MYO1B: variants seen among roughly 807,000 people sequenced by gnomAD.
MYO1B encodes unconventional myosin-Ib.
Under a neutral mutation model 159.7 loss-of-function variants are expected in MYO1B, and 72 were observed. The ratio of observed to expected loss-of-function variants is 0.45; its 90% CI spans 0.37 to 0.55. The LOEUF (loss-of-function observed/expected upper bound fraction) is 0.55. MYO1B is among the 20% of genes least tolerant of loss of function. The pLI is 0.00. For missense variants in MYO1B, 1,062 were observed against 1,364.8 expected (o/e 0.78, Z 3.50); for synonymous variants, 468 against 473.8 (o/e 0.99, Z 0.16).
intron 5 of MYO1B, 56 bp downstream of exon 5, chr2:191,341,621 G>A: frequency 7.0e-7 from 1 of 1,424,454 alleles, no homozygotes; most frequent in Non-Finnish European, 9.9e-7. Context: ...ATTGAGTTAT[G>A]TGGGTGCTTT....
chr2:191,348,362 A>G (rs907609767), intron 6 of MYO1B, among the ~76,000 whole-genome samples: 2 of 152,108 alleles, frequency 1.3e-5, no homozygotes, highest in African/African-American at 4.8e-5. Context: ...TGCCTGACCT[A>G]TATGTATGTC....
At chr2:191,332,514 T>TTTCCC (rs1215665091) in intron 4 of MYO1B, among the ~76,000 whole-genome samples, 1 of 152,188 alleles carries the variant, frequency 6.6e-6, no homozygotes, top group Non-Finnish European at 1.5e-5. Context: ...ATCCTGATGC[T>TTTCCC]TTCCCTTCCC....
chr2:191,330,124 C>G (rs977548408), intron 4 of MYO1B, 95 bp downstream of exon 4: 2 of 990,756 alleles, frequency 2.0e-6, no homozygotes, highest in African/African-American at 3.3e-5. Context: ...CAAGATCTGT[C>G]GCAGGGCCAC....
In MYO1B at chr2:191,400,766, A is replaced by G. The variant is rs752160964; in HGVS notation, c.2400A>G (p.Arg800=). The G allele has an allele frequency of 6.2e-7, 1 of 1,614,006 alleles. No individual in the cohort carries two copies. The highest frequency in any genetic ancestry group is 8.5e-7 in the Non-Finnish European group (1 of 1,179,892). Residue 800 remains arginine (R), a synonymous_variant, in exon 23 of 31, where the codon AGA becomes AGG. Coordinates refer to ENST00000392318, the MANE Select transcript of MYO1B (RefSeq NM_001130158.3). The stretch of plus-strand genomic sequence containing the variant: ...CATCACAGGCACGAAGGGAACTGAG[A>G]CGGCTGAAGGAGGAGGCTAGGAATA... ...WHGTQARREL[R]RLKEEARNKH...
chr2:191,400,722 TG>T, intron 22 of MYO1B, 26 bp from the exon 23 acceptor site: 3 of 1,611,954 alleles, frequency 1.9e-6, no homozygotes, highest in Non-Finnish European at 2.5e-6. Flanking sequence ...TAAACTTTTC[TG>T]TAACTCCTTT....
At chr2:191,372,279 A>G (rs781509481) in intron 13 of MYO1B, among the ~76,000 whole-genome samples, 1 of 152,246 alleles carries the variant, frequency 6.6e-6, no homozygotes, top group Admixed American at 6.5e-5. Flanking sequence ...CCAGTGGGCA[A>G]TGGCTTAATA....
chr2:191,271,555 T>C (rs1687458074), intron 1 of MYO1B, among the ~76,000 whole-genome samples: 1 of 152,162 alleles, frequency 6.6e-6, no homozygotes. Flanking sequence ...TTTAAAACCA[T>C]GTTAGTGATT....
chr2:191,365,491 G>A (rs373166639), intron 11 of MYO1B, among the ~76,000 whole-genome samples: 9 of 152,162 alleles, frequency 5.9e-5, no homozygotes, highest in East Asian at 3.8e-4. Context: ...TGTAGCAATC[G>A]TTTCCTAGCT....
chr2:191,299,021 C>T (rs1200421924), intron 3 of MYO1B, among the ~76,000 whole-genome samples: 1 of 152,178 alleles, frequency 6.6e-6, no homozygotes, highest in East Asian at 1.9e-4. Context: ...TTACCCCCAG[C>T]AATTGTCCAC....
intron 1 of MYO1B, among the ~76,000 whole-genome samples, chr2:191,257,389 AG>A (rs1686516844): frequency 6.6e-6 from 1 of 152,202 alleles, no homozygotes; most frequent in Non-Finnish European, 1.5e-5. Context: ...TATTTTGCAT[AG>A]GGTTATCTGT....
chr2:191,346,975 A>G (rs1321392538), intron 6 of MYO1B, among the ~76,000 whole-genome samples: 3 of 152,156 alleles, frequency 2.0e-5, no homozygotes, highest in Admixed American at 1.3e-4. Flanking sequence ...AGCTGCCTGG[A>G]TGCAGCTGCA....
chr2:191,373,101 C>T (rs1487408930), intron 13 of MYO1B, among the ~76,000 whole-genome samples: 1 of 152,024 alleles, frequency 6.6e-6, no homozygotes, highest in African/African-American at 2.4e-5. Context: ...CCACCCACCT[C>T]AGCCTCCCAA....
chr2:191,259,325 G>A (rs552065784), intron 1 of MYO1B, among the ~76,000 whole-genome samples: 9 of 152,330 alleles, frequency 5.9e-5, no homozygotes, highest in African/African-American at 2.2e-4. Context: ...TTGAACAGCA[G>A]CTGAAGGGAT....
chr2:191,361,846 A>G (rs182100177), intron 8 of MYO1B, among the ~76,000 whole-genome samples: 2 of 152,146 alleles, frequency 1.3e-5, no homozygotes, highest in East Asian at 1.9e-4. Flanking sequence ...CCAAAAACCA[A>G]TTGGTATGAA....
At chr2:191,337,126 G>A (rs1691907977) in intron 4 of MYO1B, among the ~76,000 whole-genome samples, 1 of 152,168 alleles carries the variant, frequency 6.6e-6, no homozygotes, top group South Asian at 2.1e-4. Context: ...TGTGGAGCCT[G>A]CTCCATTAAC....
At chr2:191,346,110 C>A in intron 5 of MYO1B, 126 bp from the exon 6 acceptor site, 1 of 757,886 alleles carries the variant, frequency 1.3e-6, no homozygotes, top group Non-Finnish European at 2.1e-6. Context: ...AAGTTTTGGA[C>A]AGAAATATCA....
intron 17 of MYO1B, among the ~76,000 whole-genome samples, chr2:191,388,457 A>G (rs1695535087): frequency 6.6e-6 from 1 of 152,182 alleles, no homozygotes. Context: ...TTCATAGAGC[A>G]CACCCATACC....
At chr2:191,258,606 A>G (rs1254461070) in intron 1 of MYO1B, among the ~76,000 whole-genome samples, 1 of 152,180 alleles carries the variant, frequency 6.6e-6, no homozygotes, top group Non-Finnish European at 1.5e-5. Context: ...ACAGAAACAG[A>G]TGTGGTGTGT....
At chr2:191,415,004 C>T (rs957803585) in intron 29 of MYO1B, among the ~76,000 whole-genome samples, 1 of 152,152 alleles carries the variant, frequency 6.6e-6, no homozygotes, top group Non-Finnish European at 1.5e-5. Flanking sequence ...AAGGATACAA[C>T]TAAAATAAAA....
Sources: gnomAD v4.1 joint callset for allele counts (sites outside exome capture counted in the v4.1 genomes callset) on GRCh38, gnomAD v4.1.1 for gene constraint, MANE v1.5 for transcripts, NCBI Gene and HGNC (gene_info 2026-07-23, HGNC 2026-07-21) for gene names.